The following PIP5K1C variants were observed in gnomAD, a reference collection of about 807,000 sequenced individuals.
PIP5K1C encodes the protein phosphatidylinositol-4-phosphate 5-kinase type 1 gamma.
In PIP5K1C, 45 loss-of-function variants were observed where a neutral mutation model predicts 80.1. That is an observed-to-expected ratio of 0.56 (90% confidence interval 0.44 to 0.72). The LOEUF is 0.72. Ranked by LOEUF, PIP5K1C falls within the 30% of genes least tolerant of loss-of-function variation. The pLI is 0.00. For missense variants in PIP5K1C, 753 were observed against 954.6 expected, an observed-to-expected ratio of 0.79 and a Z score of 2.78; for synonymous variants, 498 against 420.1, an observed-to-expected ratio of 1.19 and a Z score of -2.27.
chr19:3,668,021 G>A (rs1466179452), intron 1 of PIP5K1C, among the ~76,000 whole-genome samples: 4 of 152,176 alleles, frequency 2.6e-5, no homozygotes, highest in Non-Finnish European at 5.9e-5. Context: ...AAGGGTAAGA[G>A]AGGCTGCGAG....
At chr19:3,668,219 G>A (rs1413076231) in intron 1 of PIP5K1C, among the ~76,000 whole-genome samples, 3 of 152,130 alleles carry the variant, frequency 2.0e-5, no homozygotes, top group Non-Finnish European at 4.4e-5. Flanking sequence ...GCGAGACTCA[G>A]CTCCTAGGAC....
At chr19:3,691,781 A>G (rs1006721095) in intron 1 of PIP5K1C, among the ~76,000 whole-genome samples, 1 of 152,218 alleles carries the variant, frequency 6.6e-6, no homozygotes, top group Non-Finnish European at 1.5e-5. Context: ...TGGGGGTGAC[A>G]GCACCTCCGT....
At chr19:3,657,848 T>A (rs1201351788) in intron 5 of PIP5K1C, among the ~76,000 whole-genome samples, 1 of 151,412 alleles carries the variant, frequency 6.6e-6, no homozygotes, top group Non-Finnish European at 1.5e-5. Flanking sequence ...GGTGGGAGGA[T>A]CACTTGAGCC....
chr19:3,632,871 T>C lies in PIP5K1C; in HGVS notation c.*296A>G. ...GTTTGTTTGTGTCTTTTTTGTTCTT[T>C]TCCTAAAACGGCACACACGTGCTTC... is the stretch of plus-strand genomic sequence containing the variant. On this transcript the variant is annotated 3_prime_UTR_variant, in exon 18 of 18. Transcript: ENST00000335312. 2.2e-6 allele frequency: 1 copy of C among 453,778 alleles called. No homozygotes were observed. The highest frequency in any genetic ancestry group is 3.9e-6 in the Non-Finnish European group (1 of 257,192). The allele number at this position is 453,778 out of a possible 1,614,324, so 28.1% of individuals were successfully genotyped here.
At chr19:3,689,030 T>C (rs2035864592) in intron 1 of PIP5K1C, among the ~76,000 whole-genome samples, 1 of 152,068 alleles carries the variant, frequency 6.6e-6, no homozygotes, top group Admixed American at 6.5e-5. Context: ...CGGGTGTCTT[T>C]AAAATTTTCT....
Position 3,665,747 on chromosome 19 carries a change from G to A in PIP5K1C, c.127-833C>T, listed in dbSNP as rs188791063. On this transcript the variant is annotated intron_variant, in intron 2 of 17. Transcript: ENST00000335312. ...CCAGCAGATGGGACCGCCGACCCCA[G>A]GGGGCCTCAGCTTGTTGCCCTCGAG... 1.4e-3 allele frequency among the ~76,000 whole-genome samples: 219 copies of A among 152,296 alleles called. 2 individuals are homozygous for A. The highest frequency in any genetic ancestry group is 4.6e-3 in the East Asian group (24 of 5,172).
chr19:3,657,718 G>A (rs977828825), intron 5 of PIP5K1C, among the ~76,000 whole-genome samples: 4 of 151,488 alleles, frequency 2.6e-5, no homozygotes, highest in African/African-American at 9.7e-5. Context: ...TTGAGCCCAG[G>A]AGTTCAAGAC....
chr19:3,657,559 C>A (rs570293214), intron 5 of PIP5K1C, among the ~76,000 whole-genome samples: 1 of 152,102 alleles, frequency 6.6e-6, no homozygotes, highest in African/African-American at 2.4e-5. Context: ...CCGAGTGCTG[C>A]GTGCCGCCTC....
At chr19:3,690,784 T>C (rs184360798) in intron 1 of PIP5K1C, among the ~76,000 whole-genome samples, 216 of 152,254 alleles carry the variant, frequency 1.4e-3, no homozygotes, top group African/African-American at 4.6e-3. Context: ...GACAGATAAC[T>C]GTAGACTGGG....
intron 3 of PIP5K1C, among the ~76,000 whole-genome samples, chr19:3,662,710 T>A (rs539226321): frequency 1.3e-5 from 2 of 151,654 alleles, no homozygotes; most frequent in Admixed American, 6.6e-5. Context: ...GGATTATAGG[T>A]GCGCGCCGTC....
chr19:3,661,319 GC>G lies in PIP5K1C; in HGVS notation c.351-237del, dbSNP rs34598658. ...GCCCACAGTGTTGGCCAGGCACATG[GC>G]CGCCAAGAACAGGACCATGCCGCCC... On this transcript the variant is annotated intron_variant, in intron 4 of 17. Coordinates refer to ENST00000335312, the MANE Select transcript of PIP5K1C (RefSeq NM_012398.3). Among the ~76,000 whole-genome samples the G allele has an allele frequency of 0.54, 82,311 of 152,082 alleles. 22,630 individuals carry two copies. The highest frequency in any genetic ancestry group is 0.7 in the East Asian group (3,607 of 5,160).
At chr19:3,638,057 A>T (rs1175839575) in intron 16 of PIP5K1C, 2 of 1,464,344 alleles carry the variant, frequency 1.4e-6, no homozygotes, top group Non-Finnish European at 1.8e-6. Flanking sequence ...AGGTGCCCCC[A>T]CAACAGGCCC....
intron 12 of PIP5K1C, 105 bp from the exon 13 acceptor site, chr19:3,643,486 C>T (rs1432550712): frequency 5.9e-6 from 8 of 1,366,946 alleles, no homozygotes; most frequent in South Asian, 5.0e-5. Context: ...CAGCCCAGTG[C>T]CCGCCCGCCT....
At chr19:3,690,416 G>A (rs1023560981) in intron 1 of PIP5K1C, among the ~76,000 whole-genome samples, 7 of 151,446 alleles carry the variant, frequency 4.6e-5, no homozygotes, top group African/African-American at 1.7e-4. Context: ...CCAGGAGGTC[G>A]AGGCTGCGGT....
At chr19:3,685,129 C>T (rs1159197587) in intron 1 of PIP5K1C, among the ~76,000 whole-genome samples, 2 of 152,152 alleles carry the variant, frequency 1.3e-5, no homozygotes, top group Non-Finnish European at 1.5e-5. Flanking sequence ...GCCCAGACCC[C>T]TCTAATGATA....
At chr19:3,645,106 C>T (rs944320799) in intron 11 of PIP5K1C, among the ~76,000 whole-genome samples, 1 of 152,224 alleles carries the variant, frequency 6.6e-6, no homozygotes, top group Non-Finnish European at 1.5e-5. Flanking sequence ...AGGCCGTGAG[C>T]AAGTGTGCAG....
At chr19:3,654,623 C>T (rs1299260053) in intron 6 of PIP5K1C, among the ~76,000 whole-genome samples, 1 of 152,100 alleles carries the variant, frequency 6.6e-6, no homozygotes, top group East Asian at 1.9e-4. Context: ...TGAGACCAGC[C>T]TGGCCAACAT....
intron 1 of PIP5K1C, among the ~76,000 whole-genome samples, chr19:3,684,011 T>C (rs2145583908): frequency 7.1e-6 from 1 of 139,998 alleles, no homozygotes; most frequent in African/African-American, 2.6e-5. Context: ...CCCCGACCAG[T>C]GCTGACTCTG....
At chr19:3,638,043 G>C (rs1879038) in intron 16 of PIP5K1C, 915,728 of 1,472,284 alleles carry the variant, frequency 0.62, 286,541 homozygotes, top group African/African-American at 0.78. Flanking sequence ...ATGAAGCAGC[G>C]AGGAGGTGCC....
Sources: allele counts gnomAD v4.1 joint callset (sites outside exome capture counted in the v4.1 genomes callset), GRCh38; gene constraint gnomAD v4.1.1; transcripts MANE v1.5; gene names NCBI Gene and HGNC (gene_info 2026-07-23, HGNC 2026-07-21).